BMPR1B: variants seen among roughly 807,000 people sequenced by gnomAD.
BMPR1B encodes bone morphogenetic protein receptor type-1B.
BMPR1B carries 12 observed loss-of-function variants against 59.1 expected under a neutral mutation model. That is an observed-to-expected ratio of 0.20 (90% CI 0.13 to 0.33). The LOEUF (loss-of-function observed/expected upper bound fraction) is 0.33, where lower values mean the gene tolerates loss of function less well. Ranked by LOEUF, BMPR1B falls within the 10% of genes least tolerant of loss-of-function variation. The pLI is 1.00. For synonymous variants in BMPR1B, 237 were observed against 207.3 expected (o/e 1.14, Z -1.23); for missense variants, 550 against 610.9 (o/e 0.90, Z 1.05).
chr4:94,954,486 A>C (rs924932798), intron 2 of BMPR1B, among the ~76,000 whole-genome samples: 2 of 152,130 alleles, frequency 1.3e-5, no homozygotes, highest in African/African-American at 4.8e-5. Flanking sequence ...CATGCCAAAG[A>C]CTCTGTTTAC....
chr4:94,800,623 C>A (rs1472695301), intron 1 of BMPR1B, among the ~76,000 whole-genome samples: 1 of 152,072 alleles, frequency 6.6e-6, no homozygotes, highest in Non-Finnish European at 1.5e-5. Context: ...TGTGTGACCT[C>A]AGGCCAGTCT....
At chr4:95,024,574 C>G (rs1172360603) in intron 3 of BMPR1B, among the ~76,000 whole-genome samples, 4 of 152,160 alleles carry the variant, frequency 2.6e-5, no homozygotes, top group African/African-American at 9.7e-5. Flanking sequence ...ACTGGGTTTA[C>G]TTCACCAGTT....
At chr4:94,945,641 C>T (rs775338170) in intron 2 of BMPR1B, among the ~76,000 whole-genome samples, 63 of 152,146 alleles carry the variant, frequency 4.1e-4, no homozygotes, top group Admixed American at 1.1e-3. Context: ...CACCGTGTTG[C>T]CCAGACTGGT....
chr4:94,793,366 C>T (rs1009986175), intron 1 of BMPR1B, among the ~76,000 whole-genome samples: 7 of 151,450 alleles, frequency 4.6e-5, no homozygotes, highest in African/African-American at 1.7e-4. Flanking sequence ...TTTATGGCTG[C>T]ATAGTATTCC....
At chr4:94,894,626 A>C (rs1452958605) in intron 2 of BMPR1B, among the ~76,000 whole-genome samples, 1 of 152,138 alleles carries the variant, frequency 6.6e-6, no homozygotes, top group African/African-American at 2.4e-5. Flanking sequence ...ATTGTTCCCA[A>C]TAGAACGGTT....
At chr4:94,854,747 A>G (rs1047725185) in intron 1 of BMPR1B, among the ~76,000 whole-genome samples, 2 of 152,180 alleles carry the variant, frequency 1.3e-5, no homozygotes, top group African/African-American at 2.4e-5. Context: ...TTCTTGGCCC[A>G]TGAAAAGAAA....
intron 3 of BMPR1B, among the ~76,000 whole-genome samples, chr4:95,016,301 A>G (rs1056666009): frequency 1.3e-5 from 2 of 152,160 alleles, no homozygotes; most frequent in Non-Finnish European, 2.9e-5. Flanking sequence ...TTACCATTTG[A>G]AAGTTCTGCG....
intron 1 of BMPR1B, among the ~76,000 whole-genome samples, chr4:94,843,294 C>A (rs2148937909): frequency 6.6e-6 from 1 of 152,240 alleles, no homozygotes; most frequent in South Asian, 2.1e-4. Flanking sequence ...ATTATCAAAA[C>A]AATTTGTGGT....
intron 2 of BMPR1B, among the ~76,000 whole-genome samples, chr4:94,880,388 G>A (rs1429388689): frequency 2.0e-5 from 3 of 152,000 alleles, no homozygotes; most frequent in Admixed American, 6.6e-5. Context: ...ACAATGGCAC[G>A]ATCATAGCTC....
At chr4:95,055,616 T>C (rs1460957772) in intron 3 of BMPR1B, among the ~76,000 whole-genome samples, 2 of 152,248 alleles carry the variant, frequency 1.3e-5, no homozygotes, top group Admixed American at 1.3e-4. Context: ...GTAAGAAATT[T>C]GATCTCTGGT....
intron 2 of BMPR1B, among the ~76,000 whole-genome samples, chr4:94,986,731 AAAT>A (rs768508904): frequency 3.9e-5 from 6 of 152,154 alleles, no homozygotes; most frequent in Non-Finnish European, 7.3e-5. Flanking sequence ...TCTTTTTAAA[AAAT>A]ATATTTTGAT....
chr4:95,137,256 G>A (rs1424980709), intron 10 of BMPR1B, among the ~76,000 whole-genome samples: 1 of 152,168 alleles, frequency 6.6e-6, no homozygotes, highest in South Asian at 2.1e-4. Flanking sequence ...TAGTTTGATT[G>A]CACTGTGGTC....
intron 12 of BMPR1B, 146 bp from the exon 13 acceptor site, chr4:95,154,402 A>C: frequency 8.9e-7 from 1 of 1,124,908 alleles, no homozygotes; most frequent in South Asian, 1.5e-5. Flanking sequence ...TGCATGAAAA[A>C]AGCTTACAGA....
chr4:95,040,767 C>T (rs976691995), intron 3 of BMPR1B, among the ~76,000 whole-genome samples: 2 of 152,098 alleles, frequency 1.3e-5, no homozygotes, highest in Non-Finnish European at 2.9e-5. Flanking sequence ...TAAGTAGTTC[C>T]TTACAAGCGG....
chr4:95,034,776 TC>T (rs1183263501), intron 3 of BMPR1B, among the ~76,000 whole-genome samples: 13 of 151,880 alleles, frequency 8.6e-5, no homozygotes, highest in Middle Eastern at 3.4e-3. Flanking sequence ...AACTTTTTTT[TC>T]CCTCTGGGTA....
intron 2 of BMPR1B, among the ~76,000 whole-genome samples, chr4:94,952,143 C>T (rs1305922189): frequency 6.6e-6 from 1 of 152,058 alleles, no homozygotes; most frequent in East Asian, 1.9e-4. Flanking sequence ...TTTGATTCTT[C>T]TCTCTTTTCT....
intron 2 of BMPR1B, among the ~76,000 whole-genome samples, chr4:94,944,737 A>AT (rs558622307): frequency 7.8e-4 from 118 of 152,080 alleles, no homozygotes; most frequent in Non-Finnish European, 1.4e-3. Context: ...GCCTTTAGTG[A>AT]TTTTTTTTAA....
chr4:94,827,618 AT>A (rs1313430181), intron 1 of BMPR1B, among the ~76,000 whole-genome samples: 1 of 152,054 alleles, frequency 6.6e-6, no homozygotes, highest in African/African-American at 2.4e-5. Context: ...TTTGTTCAGC[AT>A]TTTTCCCTTC....
At chr4:95,091,731 GT>G in intron 3 of BMPR1B, 1 of 911,552 alleles carries the variant, frequency 1.1e-6, no homozygotes, top group Non-Finnish European at 1.3e-6. Context: ...AATAAAAGCT[GT>G]TAGAACTTAG....
Sources: gnomAD v4.1 joint callset for allele counts (sites outside exome capture counted in the v4.1 genomes callset) on GRCh38, gnomAD v4.1.1 for gene constraint, MANE v1.5 for transcripts, NCBI Gene and HGNC (gene_info 2026-07-23, HGNC 2026-07-21) for gene names.